Variants in FAM78B observed in about 807,000 individuals in gnomAD.
FAM78B encodes family with sequence similarity 78 member B.
A neutral mutation model predicts 20.0 loss-of-function variants in FAM78B; 10 were observed. The observed-to-expected ratio is 0.50, with a 90% confidence interval of 0.31 to 0.85. FAM78B has a LOEUF of 0.85. Among genes scored for constraint, FAM78B ranks in the 40% least tolerant of loss-of-function variants. The pLI, the probability that FAM78B is intolerant of heterozygous loss-of-function variation, is 0.05. For missense variants in FAM78B, 283 were observed against 345.0 expected (o/e 0.82, Z 1.42); for synonymous variants, 135 against 132.8 (o/e 1.02, Z -0.12).
intron 1 of FAM78B, among the ~76,000 whole-genome samples, chr1:166,145,184 T>C (rs1189106608): frequency 6.6e-6 from 1 of 152,220 alleles, no homozygotes; most frequent in Non-Finnish European, 1.5e-5. Flanking sequence ...CAGCTTCTGA[T>C]ATCCACAAAC....
chr1:166,115,591 G>A (rs1654223918), intron 1 of FAM78B, among the ~76,000 whole-genome samples: 2 of 152,170 alleles, frequency 1.3e-5, no homozygotes, highest in Non-Finnish European at 2.9e-5. Context: ...AGGGCCTGAG[G>A]GCAGAGAAAA....
chr1:166,162,593 T>G (rs556795950), intron 1 of FAM78B, among the ~76,000 whole-genome samples: 3 of 152,338 alleles, frequency 2.0e-5, no homozygotes, highest in African/African-American at 4.8e-5. Context: ...CATTCAAAAC[T>G]GTTCCATTAT....
At chr1:166,104,893 C>T (rs1460558174) in intron 1 of FAM78B, among the ~76,000 whole-genome samples, 5 of 152,160 alleles carry the variant, frequency 3.3e-5, no homozygotes, top group Non-Finnish European at 7.4e-5. Flanking sequence ...GCCCGCATTG[C>T]CAAGTCAATC....
chr1:166,156,584 T>G (rs1434105667), intron 1 of FAM78B, among the ~76,000 whole-genome samples: 1 of 152,196 alleles, frequency 6.6e-6, no homozygotes, highest in Non-Finnish European at 1.5e-5. Context: ...ATAACTGTTG[T>G]CCTACATGTT....
intron 1 of FAM78B, chr1:166,154,640 G>A (rs538867035): frequency 1.3e-4 from 64 of 485,320 alleles, no homozygotes; most frequent in African/African-American, 1.2e-3. Flanking sequence ...CTGGCTGGGG[G>A]GCAGGGGCAG....
intron 1 of FAM78B, among the ~76,000 whole-genome samples, chr1:166,117,941 A>G (rs1439774895): frequency 1.3e-5 from 2 of 152,068 alleles, no homozygotes; most frequent in South Asian, 2.1e-4. Flanking sequence ...CAAACCCGAC[A>G]TGACGCAATT....
intron 1 of FAM78B, among the ~76,000 whole-genome samples, chr1:166,109,212 G>C (rs931842071): frequency 6.6e-6 from 1 of 152,146 alleles, no homozygotes; most frequent in African/African-American, 2.4e-5. Flanking sequence ...AGTCAGCAGA[G>C]TAAACAGACA....
At chr1:166,157,785 G>C (rs1223097331) in intron 1 of FAM78B, among the ~76,000 whole-genome samples, 2 of 152,162 alleles carry the variant, frequency 1.3e-5, no homozygotes, top group East Asian at 3.9e-4. Context: ...TGGGGCCCAG[G>C]GCTGCCCATT....
chr1:166,058,610 T>G (rs1278820704), exon 3 of FAM78B: 3 of 151,908 alleles, frequency 2.0e-5, no homozygotes, highest in African/African-American at 7.3e-5. Flanking sequence ...GGGCCCATCA[T>G]GAACATAATA....
chr1:166,070,030 A>ATTTC lies in FAM78B; in HGVS notation c.*207_*210dup, dbSNP rs1204484203. 1 of 1,245,498 alleles carries ATTTC rather than the reference A, an allele frequency of 8.0e-7. No individual in the cohort carries two copies. Among genetic ancestry groups the ATTTC allele is most frequent in the Non-Finnish European group, 1.0e-6 (1 of 993,008 alleles). The allele number at this position is 1,245,498 out of a possible 1,614,324, so 77.2% of individuals were successfully genotyped here. ...TCACAGCAAGTCTGTCAAATCAGTG[A>ATTTC]TTTCTTTATTCCTAAGAGGAAGGGA... On this transcript the variant is annotated 3_prime_UTR_variant, in exon 2 of 2. Coordinates refer to ENST00000354422, the MANE Select transcript of FAM78B (RefSeq NM_001017961.5).
rs909925806 is a variant in FAM78B, at chr1:166,137,131, A to C, written c.263+28855T>G. On this transcript the variant is annotated intron_variant, in intron 1 of 1. Coordinates refer to ENST00000354422, the MANE Select transcript of FAM78B (RefSeq NM_001017961.5). The stretch of plus-strand genomic sequence containing the variant: ...TTGGAAGGGAGGAGACCAGTTTTCT[A>C]TGCCCAGAATGCTAGACTGGAAAAA... Among the ~76,000 whole-genome samples the C allele has an allele frequency of 9.8e-5, 15 of 152,370 alleles. No homozygotes were observed. The East Asian group carries it at 1.3e-3, about 14-fold the overall frequency.
chr1:166,140,995 A>G lies in FAM78B; in HGVS notation c.263+24991T>C, dbSNP rs1655255295. ...GAGCTTTGACTGCAATCCGGTCTTTAAACACCAAAGCCAGGCTGCTGCACT... is the reference window on the plus strand; with the variant it reads ...GAGCTTTGACTGCAATCCGGTCTTTGAACACCAAAGCCAGGCTGCTGCACT... On this transcript the variant is annotated intron_variant, in intron 1 of 1. Coordinates refer to ENST00000354422, the MANE Select transcript of FAM78B (RefSeq NM_001017961.5). 2.6e-5 allele frequency among the ~76,000 whole-genome samples: 4 copies of G among 152,346 alleles called. No homozygotes were observed. In the South Asian group the frequency reaches 6.2e-4, roughly 24 times the overall value.
chr1:166,066,666 C>T (rs1163484300), downstream of FAM78B, among the ~76,000 whole-genome samples: 3 of 152,206 alleles, frequency 2.0e-5, no homozygotes, highest in Non-Finnish European at 4.4e-5. Flanking sequence ...TGAGAAAATG[C>T]ATGTGGAAGG....
intron 1 of FAM78B, among the ~76,000 whole-genome samples, chr1:166,094,687 T>A (rs1434553047): frequency 6.6e-6 from 1 of 152,192 alleles, no homozygotes; most frequent in Non-Finnish European, 1.5e-5. Flanking sequence ...CCTATATGGA[T>A]GCTCCCATGA....
chr1:166,111,996 T>C (rs1654073863), intron 1 of FAM78B, among the ~76,000 whole-genome samples: 1 of 152,238 alleles, frequency 6.6e-6, no homozygotes, highest in South Asian at 2.1e-4. Flanking sequence ...GTTTTCTTTA[T>C]TTTAACATCA....
At chr1:166,156,900 A>T (rs1655917529) in intron 1 of FAM78B, among the ~76,000 whole-genome samples, 1 of 151,940 alleles carries the variant, frequency 6.6e-6, no homozygotes, top group African/African-American at 2.4e-5. Context: ...AAGTCCCCAT[A>T]AGGATGTGGC....
At chr1:166,151,399 T>C (rs747376062) in intron 1 of FAM78B, among the ~76,000 whole-genome samples, 1 of 152,226 alleles carries the variant, frequency 6.6e-6, no homozygotes, top group African/African-American at 2.4e-5. Context: ...CTAATTCTGA[T>C]GACCAGACGT....
chr1:166,099,726 A>C (rs1653434153), intron 1 of FAM78B, among the ~76,000 whole-genome samples: 1 of 152,232 alleles, frequency 6.6e-6, no homozygotes, highest in Admixed American at 6.5e-5. Context: ...GGAAAATATC[A>C]CAATTCTAAA....
chr1:166,095,231 C>T (rs575594320), intron 1 of FAM78B, among the ~76,000 whole-genome samples: 35 of 152,218 alleles, frequency 2.3e-4, no homozygotes, highest in African/African-American at 7.0e-4. Flanking sequence ...GCCCTGTGTG[C>T]GGAGTGGGCT....
Sources: gnomAD v4.1 joint callset for allele counts (sites outside exome capture counted in the v4.1 genomes callset) on GRCh38, gnomAD v4.1.1 for gene constraint, MANE v1.5 for transcripts, NCBI Gene and HGNC (gene_info 2026-07-23, HGNC 2026-07-21) for gene names.